DCC: variants seen among roughly 807,000 people sequenced by gnomAD.
The protein encoded by DCC is DCC netrin 1 receptor.
In DCC, 58 loss-of-function variants were observed where a neutral mutation model predicts 172.5. The ratio of observed to expected loss-of-function variants is 0.34; its 90% CI spans 0.27 to 0.42. The LOEUF is 0.42. Ranked by LOEUF, DCC falls within the 10% of genes least tolerant of loss-of-function variation. The pLI is 1.00. For missense variants in DCC, 1,740 were observed against 1,791.0 expected (o/e 0.97, Z 0.51); for synonymous variants, 709 against 644.5 (o/e 1.10, Z -1.52).
intron 1 of DCC, among the ~76,000 whole-genome samples, chr18:52,387,574 T>TTC (rs551481939): frequency 2.5e-5 from 3 of 121,996 alleles, no homozygotes; most frequent in African/African-American, 9.8e-5. Context: ...TTGTTTTGTT[T>TTC]CTTCCTTCCT....
intron 25 of DCC, among the ~76,000 whole-genome samples, chr18:53,474,854 C>G (rs2045742710): frequency 6.6e-6 from 1 of 152,162 alleles, no homozygotes; most frequent in Non-Finnish European, 1.5e-5. Context: ...GTGGAGGACT[C>G]AGAAGAAAAC....
chr18:53,386,807 T>C (rs1318817228), intron 16 of DCC, among the ~76,000 whole-genome samples: 4 of 152,296 alleles, frequency 2.6e-5, no homozygotes, highest in Admixed American at 2.6e-4. Flanking sequence ...ATGGGTAAGA[T>C]GGTGAGATCC....
intron 1 of DCC, among the ~76,000 whole-genome samples, chr18:52,506,204 C>G (rs2031224538): frequency 6.6e-6 from 1 of 152,036 alleles, no homozygotes; most frequent in African/African-American, 2.4e-5. Context: ...TAATCCTATA[C>G]TATGTCATAC....
chr18:52,928,119 A>G (rs1464090324), intron 5 of DCC, among the ~76,000 whole-genome samples: 1 of 152,174 alleles, frequency 6.6e-6, no homozygotes, highest in African/African-American at 2.4e-5. Context: ...TTGCTGCAAC[A>G]TGGATGGAGC....
chr18:52,655,879 C>T (rs1300257661), intron 1 of DCC, among the ~76,000 whole-genome samples: 2 of 151,488 alleles, frequency 1.3e-5, no homozygotes, highest in African/African-American at 2.4e-5. Context: ...GACTGTATTC[C>T]TGAGATCCCT....
At chr18:52,681,806 T>C (rs1018036333) in intron 1 of DCC, among the ~76,000 whole-genome samples, 1 of 152,140 alleles carries the variant, frequency 6.6e-6, no homozygotes, top group Non-Finnish European at 1.5e-5. Flanking sequence ...CTCTGTGCCA[T>C]TCGTAACAGA....
intron 2 of DCC, among the ~76,000 whole-genome samples, chr18:52,802,792 T>C (rs75849213): frequency 0.043 from 6,534 of 150,698 alleles, 222 homozygotes; most frequent in South Asian, 0.16. Flanking sequence ...AGACAGGCGC[T>C]ACTGTAGCCC....
intron 1 of DCC, among the ~76,000 whole-genome samples, chr18:52,366,354 C>T (rs1236702667): frequency 6.6e-6 from 1 of 152,108 alleles, no homozygotes; most frequent in Non-Finnish European, 1.5e-5. Flanking sequence ...CCACAGTGTG[C>T]AAGGGGACCC....
intron 1 of DCC, among the ~76,000 whole-genome samples, chr18:52,706,659 C>T (rs2036216531): frequency 6.6e-6 from 1 of 152,122 alleles, no homozygotes. Context: ...TACTTTTGTA[C>T]ACGGATTCGT....
chr18:53,224,167 G>A (rs902769318), intron 12 of DCC, among the ~76,000 whole-genome samples: 1 of 152,154 alleles, frequency 6.6e-6, no homozygotes, highest in East Asian at 1.9e-4. Context: ...GAACAGTCAT[G>A]CGATAGAATT....
In DCC at chr18:53,101,824, TGTATTTGTGTGTGTGTGC is replaced by T. The variant is rs745363884; in HGVS notation, c.1261+35661_1261+35678del. ...TGGGCTGTGTGTGTGTGTGTGTGTG[TGTATTTGTGTGTGTGTGC>T]GTGTGCGTGTGAGTGTTGACATTGA... On this transcript the variant is annotated intron_variant, in intron 7 of 28. Coordinates refer to ENST00000442544, the MANE Select transcript of DCC (RefSeq NM_005215.4). Among the ~76,000 whole-genome samples the T allele has an allele frequency of 1.9e-3, 198 of 106,696 alleles. 2 individuals are homozygous for T. The highest frequency in any genetic ancestry group is 0.014 in the South Asian group (57 of 4,068). 70.0% of individuals were successfully genotyped at this position (106,696 alleles called of 152,430 possible).
At chr18:52,795,109 G>A (rs2037847167) in intron 2 of DCC, among the ~76,000 whole-genome samples, 1 of 151,972 alleles carries the variant, frequency 6.6e-6, no homozygotes, top group South Asian at 2.1e-4. Flanking sequence ...TAAAATCTTT[G>A]TCTGGTGTTG....
intron 1 of DCC, among the ~76,000 whole-genome samples, chr18:52,398,635 G>A (rs1011936065): frequency 1.3e-5 from 2 of 151,916 alleles, no homozygotes; most frequent in Non-Finnish European, 2.9e-5. Flanking sequence ...GGCTCTTAAA[G>A]AATTTATGAT....
At chr18:53,247,326 C>G (rs1268710873) in intron 12 of DCC, among the ~76,000 whole-genome samples, 1 of 151,894 alleles carries the variant, frequency 6.6e-6, no homozygotes, top group Non-Finnish European at 1.5e-5. Flanking sequence ...AAAGAAGACA[C>G]CGTGTGGTGA....
At chr18:53,205,622 T>G (rs2055613042) in intron 10 of DCC, among the ~76,000 whole-genome samples, 1 of 152,218 alleles carries the variant, frequency 6.6e-6, no homozygotes, top group Non-Finnish European at 1.5e-5. Flanking sequence ...TGGTTGAGTC[T>G]GCAGTGGCCT....
At chr18:53,011,163 T>G (rs2041725693) in intron 5 of DCC, among the ~76,000 whole-genome samples, 1 of 151,574 alleles carries the variant, frequency 6.6e-6, no homozygotes, top group Non-Finnish European at 1.5e-5. Flanking sequence ...ATAATGAACG[T>G]GATAATGTTG....
At chr18:53,207,219 A>C (rs1290707728) in intron 10 of DCC, among the ~76,000 whole-genome samples, 1 of 152,180 alleles carries the variant, frequency 6.6e-6, no homozygotes, top group Non-Finnish European at 1.5e-5. Flanking sequence ...CCAATCTAAC[A>C]GCATTTTGGG....
intron 1 of DCC, among the ~76,000 whole-genome samples, chr18:52,746,089 T>G (rs533355979): frequency 6.6e-6 from 1 of 152,230 alleles, no homozygotes; most frequent in South Asian, 2.1e-4. Flanking sequence ...ATGTAATTGA[T>G]ATTTGATAAA....
At chr18:52,968,028 A>G (rs2040964228) in intron 5 of DCC, among the ~76,000 whole-genome samples, 1 of 152,224 alleles carries the variant, frequency 6.6e-6, no homozygotes, top group Non-Finnish European at 1.5e-5. Flanking sequence ...TGTTAGAGCC[A>G]ACAGAATAAA....
Sources: gnomAD v4.1 joint callset for allele counts (sites outside exome capture counted in the v4.1 genomes callset) on GRCh38, gnomAD v4.1.1 for gene constraint, MANE v1.5 for transcripts, NCBI Gene and HGNC (gene_info 2026-07-23, HGNC 2026-07-21) for gene names.